Variants in ZNF512 observed in about 807,000 individuals in gnomAD.
The protein encoded by ZNF512 is zinc finger protein 512.
In ZNF512, 25 loss-of-function variants were observed where a neutral mutation model predicts 77.5. That is an observed-to-expected ratio of 0.32 (90% CI 0.23 to 0.45). The LOEUF is 0.45. ZNF512 is among the 20% of genes least tolerant of loss of function. The probability of loss-of-function intolerance (pLI) is 1.00; values close to 1 mark genes in which losing one functional copy is unlikely to be tolerated. For synonymous variants in ZNF512, 246 were observed against 239.9 expected (o/e 1.03, Z -0.24); for missense variants, 483 against 692.6 (o/e 0.70, Z 3.40).
chr2:27,616,241 A>G (rs1424124508), intron 11 of ZNF512, 21 bp from the exon 12 acceptor site: 2 of 1,605,586 alleles, frequency 1.2e-6, no homozygotes, highest in African/African-American at 2.7e-5. Flanking sequence ...TAGTCTTCAT[A>G]CTATTTCTTC....
At chr2:27,594,316 C>T (rs934845203) in intron 2 of ZNF512, among the ~76,000 whole-genome samples, 16 of 146,536 alleles carry the variant, frequency 1.1e-4, no homozygotes, top group South Asian at 8.8e-4. Flanking sequence ...CGGGCAGAGG[C>T]GCTCCTCACC....
Position 27,621,525 on chromosome 2 carries a change from T to C in ZNF512, c.*64T>C. On this transcript the variant is annotated 3_prime_UTR_variant, in exon 14 of 14. Transcript: ENST00000355467. ...ATGCTGTTGTCACGGGGACCTGTGCTGGGAGGACTGAGTGAAGATTCTTTC... is the reference window on the plus strand; with the variant it reads ...ATGCTGTTGTCACGGGGACCTGTGCCGGGAGGACTGAGTGAAGATTCTTTC... 1 of 1,471,166 alleles carries C rather than the reference T, an allele frequency of 6.8e-7. No homozygotes were observed. Among genetic ancestry groups the C allele is most frequent in the South Asian group, 1.4e-5 (1 of 73,942 alleles). The allele number at this position is 1,471,166 out of a possible 1,614,324, so 91.1% of individuals were successfully genotyped here.
At position 27,610,544 on chromosome 2, in the gene ZNF512, G is replaced by GTGTGTATATATATATATA. The variant is rs1413007886; in HGVS notation, c.1131+2506_1131+2507insGTGTATATATATATATAT. 6.7e-4 allele frequency among the ~76,000 whole-genome samples: 22 copies of GTGTGTATATATATATATA among 32,652 alleles called. 2 individuals are homozygous for GTGTGTATATATATATATA. The highest frequency in any genetic ancestry group is 2.6e-3 in the African/African-American group (18 of 6,838). The allele number at this position is 32,652 out of a possible 152,430, so 21.4% of individuals were successfully genotyped here. On this transcript the variant is annotated intron_variant, in intron 10 of 13. Coordinates refer to ENST00000355467, the MANE Select transcript of ZNF512 (RefSeq NM_032434.4). ...TATGTGTGTGTATATATATGTGTGT[G>GTGTGTATATATATATATA]TATATATATATATATATATATATAT...
At chr2:27,614,156 G>A (rs565217453) in intron 10 of ZNF512, among the ~76,000 whole-genome samples, 87 of 151,696 alleles carry the variant, frequency 5.7e-4, no homozygotes, top group African/African-American at 2.0e-3. Flanking sequence ...TTTTTTTGTC[G>A]CAGAGAATCA....
In ZNF512 at chr2:27,621,242, G is replaced by A. The variant is rs1558479601; in HGVS notation, c.1485G>A (p.Arg495=). ...KQRQQEEEKR[R]QQHRSRRSLR... ...GGCAGCAAGAAGAAGAAAAGCGGAG[G>A]CAGCAGCACAGGAGCAGAAGGTCTC... is the stretch of plus-strand genomic sequence containing the variant. Residue 495 remains arginine, a synonymous_variant, in exon 14 of 14, where the codon AGG becomes AGA. Transcript: ENST00000355467. The A allele has an allele frequency of 2.5e-6, 4 of 1,614,092 alleles. No homozygotes were observed. The highest frequency in any genetic ancestry group is 2.5e-6 in the Non-Finnish European group (3 of 1,180,044).
At chr2:27,605,568 C>T (rs906222059) in intron 9 of ZNF512, among the ~76,000 whole-genome samples, 1 of 151,912 alleles carries the variant, frequency 6.6e-6, no homozygotes, top group African/African-American at 2.4e-5. Context: ...CTCTGCCTCC[C>T]GGGCTCAAGC....
At chr2:27,600,899 A>T in intron 6 of ZNF512, 84 bp downstream of exon 6, 2 of 1,491,104 alleles carry the variant, frequency 1.3e-6, no homozygotes, top group Middle Eastern at 1.8e-4. Flanking sequence ...TATGCTGGTT[A>T]TAATGGATGA....
intron 4 of ZNF512, 124 bp downstream of exon 4, chr2:27,599,802 G>A: frequency 6.0e-6 from 7 of 1,157,954 alleles, no homozygotes; most frequent in Non-Finnish European, 8.7e-6. Context: ...AATTGTTTGG[G>A]AGGGAATGGC....
chr2:27,585,173 T>G (rs1217653626), intron 2 of ZNF512, among the ~76,000 whole-genome samples: 1 of 152,154 alleles, frequency 6.6e-6, no homozygotes, highest in East Asian at 1.9e-4. Context: ...ATCAGGTGAA[T>G]TTTGGAGTAA....
rs1367926651 is a variant in ZNF512, at chr2:27,622,889, ATT to A, written c.*1429_*1430del. On this transcript the variant is annotated 3_prime_UTR_variant, in exon 14 of 14. Coordinates refer to ENST00000355467, the MANE Select transcript of ZNF512 (RefSeq NM_032434.4). ...CAAACAAGGGAGCACTGAAACCTGA[ATT>A]GGATACTGCCAGAATAGGTAGTTTT... 1 of 152,794 alleles carries A rather than the reference ATT, an allele frequency of 6.5e-6. No individual in the cohort carries two copies. Among genetic ancestry groups the A allele is most frequent in the Non-Finnish European group, 1.5e-5 (1 of 68,040 alleles). 9.5% of individuals were successfully genotyped at this position (152,794 alleles called of 1,614,324 possible).
rs79927979 is a variant in ZNF512, at chr2:27,597,825, G to C, written c.90-242G>C. 7.6e-4 allele frequency among the ~76,000 whole-genome samples: 116 copies of C among 152,228 alleles called. 1 individual carries two copies. Among genetic ancestry groups the C allele is most frequent in the African/African-American group, 2.7e-3 (111 of 41,546 alleles). ...TGAATCTAGGAAGGAATGTCTACTTGGGCTGCAAAGTGATCATTTATGTGT... is the reference window on the plus strand; with the variant it reads ...TGAATCTAGGAAGGAATGTCTACTTCGGCTGCAAAGTGATCATTTATGTGT... On this transcript the variant is annotated intron_variant, in intron 2 of 13. Coordinates refer to ENST00000355467, the MANE Select transcript of ZNF512 (RefSeq NM_032434.4).
At position 27,612,559 on chromosome 2, in the gene ZNF512, T is replaced by C. The variant is rs559480776; in HGVS notation, c.1132-2609T>C. Among the ~76,000 whole-genome samples the C allele has an allele frequency of 7.7e-4, 117 of 152,296 alleles. 3 individuals carry two copies. The highest frequency in any genetic ancestry group is 6.6e-4 in the Non-Finnish European group (45 of 68,018). On this transcript the variant is annotated intron_variant, in intron 10 of 13. Coordinates refer to ENST00000355467, the MANE Select transcript of ZNF512 (RefSeq NM_032434.4). ...AAAGCCATGAGACCTTCATTTCCAA[T>C]CCAACACCACAAGTTTCCTTCTAGC...
rs909792486 is a variant in ZNF512, at chr2:27,598,067, T to C, written c.90T>C (p.Asn30=). Residue 30 remains asparagine (N), a splice_region_variant and synonymous_variant, in exon 3 of 14, where the codon AAT becomes AAC. Transcript: ENST00000355467. Reference sequence around the variant, plus strand: ...GGTATATATTTTTATGTTGTATTAGTAGCAGGACCCAGTGCTCCATAAAGG... The same window carrying C: ...GGTATATATTTTTATGTTGTATTAGCAGCAGGACCCAGTGCTCCATAAAGG... The part of the protein sequence containing the change: ...QRSTRIVGAK[N]SRTQCSIKDN... 1.9e-6 allele frequency: 3 copies of C among 1,557,528 alleles called. No homozygotes were observed. Among genetic ancestry groups the C allele is most frequent in the Admixed American group, 1.7e-5 (1 of 58,744 alleles).
At chr2:27,597,967 G>C (rs1314168863) in intron 2 of ZNF512, 100 bp from the exon 3 acceptor site, 2 of 915,850 alleles carry the variant, frequency 2.2e-6, no homozygotes, top group Admixed American at 5.1e-5. Context: ...AGGCTTCTTA[G>C]TTTTCTGCAG....
intron 2 of ZNF512, among the ~76,000 whole-genome samples, chr2:27,590,634 C>G (rs1417932657): frequency 6.6e-6 from 1 of 151,972 alleles, no homozygotes; most frequent in African/African-American, 2.4e-5. Flanking sequence ...TGTGTTTCTT[C>G]TTTTGGATTA....
chr2:27,594,712 C>T (rs1671773008), intron 2 of ZNF512, among the ~76,000 whole-genome samples: 1 of 152,126 alleles, frequency 6.6e-6, no homozygotes, highest in African/African-American at 2.4e-5. Flanking sequence ...AGACGCTCCT[C>T]ACTTCCTAGA....
At chr2:27,616,520 T>C (rs1483695272) in intron 12 of ZNF512, among the ~76,000 whole-genome samples, 196 bp downstream of exon 12, 1 of 152,160 alleles carries the variant, frequency 6.6e-6, no homozygotes, top group African/African-American at 2.4e-5. Flanking sequence ...TTAGAAAAGA[T>C]CACCATAGTC....
In ZNF512 at chr2:27,587,956, C is replaced by T. The variant is rs138068653; in HGVS notation, c.89+4240C>T. Reference sequence around the variant, plus strand: ...TTGCCTCCCAAAGTGCTGGGATTAACGGTGTGAGCCACCGCGCCCAGCCTT... The same window carrying T: ...TTGCCTCCCAAAGTGCTGGGATTAATGGTGTGAGCCACCGCGCCCAGCCTT... On this transcript the variant is annotated intron_variant, in intron 2 of 13. Transcript: ENST00000355467. 9.2e-3 allele frequency among the ~76,000 whole-genome samples: 1,392 copies of T among 150,634 alleles called. 22 individuals carry two copies. The highest frequency in any genetic ancestry group is 0.032 in the African/African-American group (1,324 of 41,444).
intron 9 of ZNF512, among the ~76,000 whole-genome samples, chr2:27,606,938 G>A (rs1201547686): frequency 6.6e-6 from 1 of 151,944 alleles, no homozygotes; most frequent in Non-Finnish European, 1.5e-5. Flanking sequence ...ATTTGCTGTG[G>A]GCTAAGAATT....
Sources: allele counts gnomAD v4.1 joint callset (sites outside exome capture counted in the v4.1 genomes callset), GRCh38; gene constraint gnomAD v4.1.1; transcripts MANE v1.5; gene names NCBI Gene and HGNC (gene_info 2026-07-23, HGNC 2026-07-21).